The following MACROD2 variants were observed in gnomAD, a reference collection of about 807,000 sequenced individuals.
MACROD2 encodes mono-ADP ribosylhydrolase 2.
In MACROD2, 36 loss-of-function variants were observed where a neutral mutation model predicts 70.4. The observed-to-expected ratio is 0.51, with a 90% CI of 0.39 to 0.68. The LOEUF is 0.68. MACROD2 is among the 30% of genes least tolerant of loss of function. The pLI is 0.00. For synonymous variants in MACROD2, 172 were observed against 178.8 expected, an observed-to-expected ratio of 0.96 and a Z score of 0.30; for missense variants, 496 against 538.4, an observed-to-expected ratio of 0.92 and a Z score of 0.78.
At chr20:14,643,743 T>A (rs1985220712) in intron 4 of MACROD2, among the ~76,000 whole-genome samples, 1 of 152,164 alleles carries the variant, frequency 6.6e-6, no homozygotes, top group Non-Finnish European at 1.5e-5. Context: ...TGGCCCCGAT[T>A]GTCACATGAC....
rs139026023 is a variant in MACROD2 at position 15,299,356 on chromosome 20, T to C, written c.540+69295T>C. Among the ~76,000 whole-genome samples, 295 of 152,338 alleles carry C rather than the reference T, an allele frequency of 1.9e-3. 3 individuals carry two copies. Among genetic ancestry groups the C allele is most frequent in the African/African-American group, 6.9e-3 (286 of 41,588 alleles). On this transcript the variant is annotated intron_variant, in intron 6 of 17. Coordinates refer to ENST00000684519, the MANE Select transcript of MACROD2 (RefSeq NM_001351661.2). ...GAGAACATTTAAATTTTCTTGTTTCTGGCTACTGGTAACAAATCTTCATTA... is the reference window on the plus strand; with the variant it reads ...GAGAACATTTAAATTTTCTTGTTTCCGGCTACTGGTAACAAATCTTCATTA...
intron 5 of MACROD2, among the ~76,000 whole-genome samples, chr20:15,219,051 A>C (rs895026959): frequency 2.0e-5 from 3 of 152,230 alleles, no homozygotes; most frequent in African/African-American, 7.2e-5. Flanking sequence ...GTCTCAAAAA[A>C]AAAAAATCCC....
chr20:14,402,156 G>T (rs1451125424), intron 3 of MACROD2, among the ~76,000 whole-genome samples: 1 of 152,144 alleles, frequency 6.6e-6, no homozygotes, highest in Non-Finnish European at 1.5e-5. Flanking sequence ...CTCATGCTCA[G>T]TGTCTTCTGG....
intron 4 of MACROD2, among the ~76,000 whole-genome samples, chr20:14,678,984 C>T (rs1420884855): frequency 6.6e-6 from 1 of 151,710 alleles, no homozygotes; most frequent in Non-Finnish European, 1.5e-5. Flanking sequence ...CTTTTCCTCC[C>T]ACATTTAATT....
At chr20:14,825,505 A>T (rs1434647853) in intron 5 of MACROD2, among the ~76,000 whole-genome samples, 1 of 152,134 alleles carries the variant, frequency 6.6e-6, no homozygotes, top group East Asian at 1.9e-4. Context: ...TTTTACTGGA[A>T]CACCTTTGTC....
chr20:15,475,014 G>A (rs1194838658), intron 7 of MACROD2, among the ~76,000 whole-genome samples: 8 of 147,820 alleles, frequency 5.4e-5, no homozygotes, highest in African/African-American at 9.9e-5. Flanking sequence ...AAAATATTCA[G>A]AAAAAAAAAA....
intron 5 of MACROD2, among the ~76,000 whole-genome samples, chr20:14,996,768 C>A (rs543055104): frequency 3.3e-5 from 5 of 152,252 alleles, no homozygotes; most frequent in East Asian, 1.9e-4. Context: ...CAACACAGGG[C>A]AGAATTCAGC....
chr20:15,348,422 A>T (rs2078190285), intron 6 of MACROD2, among the ~76,000 whole-genome samples: 1 of 152,194 alleles, frequency 6.6e-6, no homozygotes, highest in Non-Finnish European at 1.5e-5. Context: ...GCAGCAATTA[A>T]TGTTTCCTTA....
intron 5 of MACROD2, among the ~76,000 whole-genome samples, chr20:14,720,569 T>TTTTTTTTTTTTTTTTTTTTTGTGTGTGTG (rs531072431): frequency 1.2e-5 from 1 of 84,092 alleles, no homozygotes; most frequent in African/African-American, 4.7e-5. Context: ...TTTTTTTTTT[T>TTTTTTTTTTTTTTTTTTTTTGTGTGTGTG]TGTGAGGCAG....
chr20:14,341,530 T>A (rs972504777), intron 3 of MACROD2, among the ~76,000 whole-genome samples: 3 of 152,092 alleles, frequency 2.0e-5, no homozygotes, highest in Non-Finnish European at 1.5e-5. Flanking sequence ...TCCCAGCTAC[T>A]TGGGAGGCTG....
intron 6 of MACROD2, among the ~76,000 whole-genome samples, chr20:15,260,193 C>T (rs778516066): frequency 1.3e-5 from 2 of 151,634 alleles, no homozygotes; most frequent in Admixed American, 6.6e-5. Context: ...GATTGTTAAT[C>T]ATAGTTGCCC....
chr20:15,058,291 T>A (rs1443449546), intron 5 of MACROD2, among the ~76,000 whole-genome samples: 1 of 152,102 alleles, frequency 6.6e-6, no homozygotes, highest in Non-Finnish European at 1.5e-5. Context: ...TCATAGACTG[T>A]CCCCCAACCC....
chr20:14,655,358 T>TG (rs1269478369), intron 4 of MACROD2, among the ~76,000 whole-genome samples: 21 of 148,494 alleles, frequency 1.4e-4, no homozygotes, highest in African/African-American at 5.0e-4. Flanking sequence ...TGTGTGTGTG[T>TG]TTTGAGGGTG....
chr20:14,702,541 ATGTG>A (rs1205004115), intron 5 of MACROD2, among the ~76,000 whole-genome samples: 1 of 143,352 alleles, frequency 7.0e-6, no homozygotes, highest in Non-Finnish European at 1.5e-5. Flanking sequence ...AACATTACAT[ATGTG>A]TGTGTGTGTA....
chr20:14,448,405 G>A (rs1390926448), intron 3 of MACROD2, among the ~76,000 whole-genome samples: 6 of 151,922 alleles, frequency 3.9e-5, no homozygotes, highest in African/African-American at 1.5e-4. Context: ...GGCCAGGCGC[G>A]GTGACTCATG....
At chr20:14,364,994 G>A (rs1322208136) in intron 3 of MACROD2, among the ~76,000 whole-genome samples, 1 of 152,180 alleles carries the variant, frequency 6.6e-6, no homozygotes, top group Non-Finnish European at 1.5e-5. Context: ...GAATGAATTA[G>A]GAAGTATTTC....
At chr20:15,105,596 G>T (rs2075904744) in intron 5 of MACROD2, among the ~76,000 whole-genome samples, 1 of 152,136 alleles carries the variant, frequency 6.6e-6, no homozygotes, top group Non-Finnish European at 1.5e-5. Flanking sequence ...GTTAGAGGCA[G>T]AAATGTTGCC....
At chr20:15,618,809 G>A (rs2049080214) in intron 8 of MACROD2, among the ~76,000 whole-genome samples, 1 of 152,198 alleles carries the variant, frequency 6.6e-6, no homozygotes, top group Non-Finnish European at 1.5e-5. Context: ...CAAGACAGGG[G>A]ACTTGCAACA....
intron 3 of MACROD2, among the ~76,000 whole-genome samples, chr20:14,258,696 G>A (rs1376169664): frequency 6.6e-6 from 1 of 152,148 alleles, no homozygotes; most frequent in Non-Finnish European, 1.5e-5. Context: ...CTTTTGCTGT[G>A]CAGAAGCTTT....
Sources: allele counts gnomAD v4.1 joint callset (sites outside exome capture counted in the v4.1 genomes callset), GRCh38; gene constraint gnomAD v4.1.1; transcripts MANE v1.5; gene names NCBI Gene and HGNC (gene_info 2026-07-23, HGNC 2026-07-21).